Variants in LRRC1 observed in about 807,000 individuals in gnomAD.
LRRC1 encodes the protein leucine rich repeat containing 1.
A neutral mutation model predicts 69.9 loss-of-function variants in LRRC1; 28 were observed. The ratio of observed to expected loss-of-function variants is 0.40; its 90% CI spans 0.30 to 0.55. The LOEUF (loss-of-function observed/expected upper bound fraction) is 0.55. LRRC1 is among the 20% of genes least tolerant of loss of function. The pLI is 0.47. For missense variants in LRRC1, 498 were observed against 609.0 expected (o/e 0.82, Z 1.92); for synonymous variants, 236 against 240.2 (o/e 0.98, Z 0.16).
intron 10 of LRRC1, among the ~76,000 whole-genome samples, chr6:53,905,878 A>C (rs1388997557): frequency 3.3e-5 from 5 of 152,248 alleles, no homozygotes; most frequent in Non-Finnish European, 7.3e-5. Flanking sequence ...GTTTCTCAGC[A>C]AAACTGGGAC....
intron 1 of LRRC1, among the ~76,000 whole-genome samples, chr6:53,819,454 T>G (rs1765052230): frequency 6.6e-6 from 1 of 152,162 alleles, no homozygotes; most frequent in Non-Finnish European, 1.5e-5. Flanking sequence ...AGTGAATACA[T>G]AGTAAGCCCT....
chr6:53,806,281 G>A (rs186332248), intron 1 of LRRC1, among the ~76,000 whole-genome samples: 20 of 152,332 alleles, frequency 1.3e-4, no homozygotes, highest in African/African-American at 4.6e-4. Flanking sequence ...GTGCAGAGCA[G>A]ACCTTGAATA....
At chr6:53,869,803 G>A (rs935620884) in intron 2 of LRRC1, among the ~76,000 whole-genome samples, 4 of 152,214 alleles carry the variant, frequency 2.6e-5, no homozygotes, top group African/African-American at 9.6e-5. Context: ...GAACTTGAGA[G>A]CTGGAGAACC....
intron 1 of LRRC1, among the ~76,000 whole-genome samples, chr6:53,801,623 C>T (rs1290297836): frequency 2.6e-5 from 4 of 152,264 alleles, no homozygotes; most frequent in African/African-American, 9.6e-5. Flanking sequence ...CCCCACCCCT[C>T]ACCCCATACC....
chr6:53,816,044 A>T (rs777043455), intron 1 of LRRC1, among the ~76,000 whole-genome samples: 13 of 152,160 alleles, frequency 8.5e-5, no homozygotes, highest in African/African-American at 3.1e-4. Context: ...CTTGCTAATC[A>T]CTTAAAATTT....
rs1767879392 is a variant in LRRC1, at chr6:53,896,532, A to C, written c.481A>C (p.Asn161His). The change falls in exon 5 of 14, where the codon AAT becomes CAT. Residue 161 changes from asparagine to histidine, a missense_variant. Coordinates refer to ENST00000370888, the MANE Select transcript of LRRC1 (RefSeq NM_018214.5). ...YNLASLELRE[N>H]LLTYLPDSLT... ...CCTGGCTTCACTGGAACTGAGAGAG[A>C]ATCTTCTTACATATCTTCCTGAGTG... The C allele has an allele frequency of 6.2e-7, 1 of 1,613,204 alleles. No individual in the cohort carries two copies. The highest frequency in any genetic ancestry group is 8.5e-7 in the Non-Finnish European group (1 of 1,179,306).
At chr6:53,860,927 A>G (rs1766482819) in intron 2 of LRRC1, among the ~76,000 whole-genome samples, 1 of 152,226 alleles carries the variant, frequency 6.6e-6, no homozygotes, top group African/African-American at 2.4e-5. Flanking sequence ...GAATTAACGC[A>G]GGAACAGAAA....
rs372318750 is a variant in LRRC1 at position 53,902,693 on chromosome 6, A to G, written c.852A>G (p.Ala284=). 3.4e-4 allele frequency: 545 copies of G among 1,613,622 alleles called. No homozygotes were observed. The highest frequency in any genetic ancestry group is 5.2e-4 in the Admixed American group (31 of 59,976). Residue 284 remains alanine, a synonymous_variant, in exon 9 of 14, where the codon GCA becomes GCG. Coordinates refer to ENST00000370888, the MANE Select transcript of LRRC1 (RefSeq NM_018214.5). ...ATAGACTCACACAGTTGCCTGAAGC[A>G]GTTGGGGAATGTGAAAGTCTCACTG... ...DQNRLTQLPE[A]VGECESLTEL...
intron 1 of LRRC1, among the ~76,000 whole-genome samples, chr6:53,827,504 T>G (rs187407377): frequency 3.9e-5 from 6 of 152,216 alleles, no homozygotes; most frequent in Admixed American, 3.9e-4. Flanking sequence ...TCACCTTAAT[T>G]TTTTCCAGGT....
At chr6:53,795,890 T>C (rs1412894189) in intron 1 of LRRC1, among the ~76,000 whole-genome samples, 1 of 152,186 alleles carries the variant, frequency 6.6e-6, no homozygotes, top group Non-Finnish European at 1.5e-5. Flanking sequence ...TGGGCAGCGC[T>C]CAAGCGGGCC....
chr6:53,838,496 G>A (rs963745039), intron 1 of LRRC1, among the ~76,000 whole-genome samples: 1 of 152,158 alleles, frequency 6.6e-6, no homozygotes, highest in African/African-American at 2.4e-5. Context: ...TCTTATTTCT[G>A]AATGGTCCCA....
intron 1 of LRRC1, among the ~76,000 whole-genome samples, chr6:53,798,975 A>G (rs957811967): frequency 1.3e-5 from 2 of 152,186 alleles, no homozygotes; most frequent in Non-Finnish European, 2.9e-5. Context: ...AGCCTTTCAC[A>G]TGCCATTGGT....
At chr6:53,920,183 G>T (rs748016619) in intron 12 of LRRC1, among the ~76,000 whole-genome samples, 4 of 152,172 alleles carry the variant, frequency 2.6e-5, no homozygotes, top group African/African-American at 7.2e-5. Context: ...AGCCCAAGTG[G>T]GAGGACTTTA....
At chr6:53,835,362 T>C (rs78979753) in intron 1 of LRRC1, among the ~76,000 whole-genome samples, 4,328 of 152,306 alleles carry the variant, frequency 0.028, 93 homozygotes, top group Non-Finnish European at 0.043. Context: ...TATTTTGAAA[T>C]GCAATTCTAT....
intron 4 of LRRC1, among the ~76,000 whole-genome samples, chr6:53,893,160 G>C (rs576648991): frequency 6.6e-6 from 1 of 152,198 alleles, no homozygotes; most frequent in Non-Finnish European, 1.5e-5. Flanking sequence ...TAGGGACAAA[G>C]GGTGTCTTGA....
chr6:53,884,120 A>G (rs1037208910), intron 4 of LRRC1: 2 of 643,610 alleles, frequency 3.1e-6, no homozygotes, highest in Non-Finnish European at 5.6e-6. Context: ...GGTGTATGGT[A>G]TCAGTTGCAG....
At chr6:53,824,988 C>A (rs183259581) in intron 1 of LRRC1, among the ~76,000 whole-genome samples, 1 of 152,166 alleles carries the variant, frequency 6.6e-6, no homozygotes, top group Non-Finnish European at 1.5e-5. Context: ...GGCCATGCCA[C>A]GCCAGTCTAA....
intron 10 of LRRC1, among the ~76,000 whole-genome samples, chr6:53,910,487 G>A (rs76387866): frequency 1.3e-5 from 2 of 152,250 alleles, no homozygotes; most frequent in Middle Eastern, 3.4e-3. Flanking sequence ...TTAGGGAGAT[G>A]GGTTTTTTAA....
rs139963261 is a variant in LRRC1, at chr6:53,906,179, G to T, written c.990+1717G>T. Among the ~76,000 whole-genome samples the T allele has an allele frequency of 3.6e-3, 541 of 152,226 alleles. 7 individuals are homozygous for T. The East Asian group carries it at 0.041, about 11-fold the overall frequency. ...TTCTTCATTTTACGAGTGAGGAAAC[G>T]GAGGCCAGTAAGTAGTTTTTCTTAC... On this transcript the variant is annotated intron_variant, in intron 10 of 13. Transcript: ENST00000370888.
Sources: allele counts gnomAD v4.1 joint callset (sites outside exome capture counted in the v4.1 genomes callset), GRCh38; gene constraint gnomAD v4.1.1; transcripts MANE v1.5; gene names NCBI Gene and HGNC (gene_info 2026-07-23, HGNC 2026-07-21).